The following CDH13 variants were observed in gnomAD, a reference collection of about 807,000 sequenced individuals.
The protein encoded by CDH13 is cadherin-13.
CDH13 carries 24 observed loss-of-function variants against 63.8 expected under a neutral mutation model. The ratio of observed to expected loss-of-function variants is 0.38; its 90% confidence interval spans 0.27 to 0.53. The LOEUF (loss-of-function observed/expected upper bound fraction) is 0.53. Ranked by LOEUF, CDH13 falls within the 20% of genes least tolerant of loss-of-function variation. The pLI, the probability that CDH13 is intolerant of heterozygous loss-of-function variation, is 0.85. For missense variants in CDH13, 1,049 were observed against 903.1 expected (o/e 1.16, Z -2.07); for synonymous variants, 503 against 355.3 (o/e 1.42, Z -4.67).
chr16:83,467,017 C>T (rs186603173), intron 6 of CDH13, among the ~76,000 whole-genome samples: 273 of 152,216 alleles, frequency 1.8e-3, no homozygotes, highest in African/African-American at 6.4e-3. Flanking sequence ...CCACAGGAAC[C>T]AGCTGGATCC....
Position 83,122,042 on chromosome 16 carries a change from C to G in CDH13, c.367-3343C>G, listed in dbSNP as rs568969287. Among the ~76,000 whole-genome samples the G allele has an allele frequency of 1.4e-3, 208 of 152,132 alleles. 1 individual carries two copies. Among genetic ancestry groups the G allele is most frequent in the African/African-American group, 4.9e-3 (202 of 41,462 alleles). On this transcript the variant is annotated intron_variant, in intron 3 of 13. Transcript: ENST00000567109. ...AAGATGGAATGAAACTATCATTTATCACATGATTTTGATAGGAAGCTGTTG... is the reference window on the plus strand; with the variant it reads ...AAGATGGAATGAAACTATCATTTATGACATGATTTTGATAGGAAGCTGTTG...
intron 4 of CDH13, among the ~76,000 whole-genome samples, chr16:83,193,257 C>T (rs1005398988): frequency 2.6e-5 from 4 of 151,522 alleles, no homozygotes; most frequent in African/African-American, 9.7e-5. Flanking sequence ...TCATGCAAAT[C>T]TTGGAAGCAA....
At chr16:83,052,799 A>AAAG (rs1555571676) in intron 3 of CDH13, among the ~76,000 whole-genome samples, 1 of 133,174 alleles carries the variant, frequency 7.5e-6, no homozygotes, top group Non-Finnish European at 1.7e-5. Context: ...AAAAAAAAAA[A>AAAG]AAAAAGAAAG....
intron 9 of CDH13, 38 bp from the exon 10 acceptor site, chr16:83,678,170 C>T (rs372981248): frequency 4.4e-5 from 70 of 1,574,704 alleles, no homozygotes; most frequent in Middle Eastern, 1.7e-4. Flanking sequence ...CCTTTTGTGG[C>T]TGGTGTGCAT....
intron 6 of CDH13, among the ~76,000 whole-genome samples, chr16:83,477,210 A>G (rs12324930): frequency 0.17 from 25,463 of 152,222 alleles, 2,286 homozygotes; most frequent in South Asian, 0.2. Context: ...TCAGTATAAA[A>G]ATAAACAACC....
chr16:83,746,120 T>A (rs997912317), intron 10 of CDH13, among the ~76,000 whole-genome samples: 1 of 152,168 alleles, frequency 6.6e-6, no homozygotes, highest in Non-Finnish European at 1.5e-5. Flanking sequence ...TAACAAAGTA[T>A]TGCAAACATG....
chr16:82,987,624 G>T (rs767109637), intron 2 of CDH13, among the ~76,000 whole-genome samples: 1 of 152,160 alleles, frequency 6.6e-6, no homozygotes, highest in African/African-American at 2.4e-5. Context: ...TGATCTGCCC[G>T]CTTTGGCCTC....
intron 11 of CDH13, among the ~76,000 whole-genome samples, chr16:83,754,250 T>C (rs1913322000): frequency 6.6e-6 from 1 of 151,728 alleles, no homozygotes; most frequent in Non-Finnish European, 1.5e-5. Flanking sequence ...GTACAAGGAG[T>C]TAAAGGATGG....
At chr16:82,919,679 G>A (rs887188954) in intron 2 of CDH13, among the ~76,000 whole-genome samples, 3 of 152,094 alleles carry the variant, frequency 2.0e-5, no homozygotes, top group African/African-American at 7.2e-5. Flanking sequence ...TGTGCATGTG[G>A]CCAACATTTT....
At chr16:83,154,189 C>G (rs1230937335) in intron 4 of CDH13, among the ~76,000 whole-genome samples, 1 of 152,086 alleles carries the variant, frequency 6.6e-6, no homozygotes, top group Non-Finnish European at 1.5e-5. Context: ...CGAGCTTATC[C>G]TAAGGGAGAG....
At chr16:82,682,030 C>A (rs1009270208) in intron 1 of CDH13, among the ~76,000 whole-genome samples, 2 of 152,194 alleles carry the variant, frequency 1.3e-5, no homozygotes, top group African/African-American at 4.8e-5. Flanking sequence ...GGCTCTCAAG[C>A]CCTTGGCTCA....
At chr16:82,776,923 C>T (rs2035525860) in intron 1 of CDH13, among the ~76,000 whole-genome samples, 1 of 152,186 alleles carries the variant, frequency 6.6e-6, no homozygotes, top group Admixed American at 6.5e-5. Flanking sequence ...ACAGTCACTT[C>T]CTGCTATGTG....
At chr16:83,355,873 C>A (rs1056457682) in intron 6 of CDH13, among the ~76,000 whole-genome samples, 1 of 152,170 alleles carries the variant, frequency 6.6e-6, no homozygotes, top group Non-Finnish European at 1.5e-5. Flanking sequence ...TGGTAATCAG[C>A]TGTATATTTT....
At chr16:83,475,133 A>T (rs968834159) in intron 6 of CDH13, among the ~76,000 whole-genome samples, 6 of 152,204 alleles carry the variant, frequency 3.9e-5, no homozygotes, top group African/African-American at 1.4e-4. Flanking sequence ...AACAATTAAG[A>T]ATGTCAAGAG....
chr16:83,230,881 G>T (rs1306615480), intron 5 of CDH13, among the ~76,000 whole-genome samples: 1 of 152,174 alleles, frequency 6.6e-6, no homozygotes, highest in Non-Finnish European at 1.5e-5. Context: ...CAGGAAATCT[G>T]GGCCCTAAGA....
chr16:83,272,281 T>C (rs16960061), intron 5 of CDH13, among the ~76,000 whole-genome samples: 6 of 152,096 alleles, frequency 3.9e-5, no homozygotes, highest in Admixed American at 2.0e-4. Flanking sequence ...CTGTGTAGAA[T>C]TAAGAGGCCA....
In CDH13 at chr16:83,686,599, G is replaced by A. The variant is rs372417917; in HGVS notation, c.1538+8138G>A. Among the ~76,000 whole-genome samples the A allele has an allele frequency of 1.1e-4, 16 of 152,260 alleles. No individual in the cohort carries two copies. The South Asian group carries it at 2.3e-3, about 22-fold the overall frequency. ...TTTGTAGCTCTCACCTTGCAAGAACGGTGGATAAATTATAAGTGATTATTA... is the reference window on the plus strand; with the variant it reads ...TTTGTAGCTCTCACCTTGCAAGAACAGTGGATAAATTATAAGTGATTATTA... On this transcript the variant is annotated intron_variant, in intron 10 of 13. Transcript: ENST00000567109.
chr16:83,344,034 G>C (rs956684110), intron 5 of CDH13, among the ~76,000 whole-genome samples: 2 of 152,154 alleles, frequency 1.3e-5, no homozygotes, highest in Non-Finnish European at 2.9e-5. Context: ...AGTTGTACTA[G>C]GATTCCAAAT....
intron 1 of CDH13, among the ~76,000 whole-genome samples, chr16:82,827,210 G>T (rs1212601784): frequency 6.6e-6 from 1 of 152,178 alleles, no homozygotes; most frequent in Non-Finnish European, 1.5e-5. Context: ...GTTTAGGTTT[G>T]TAATTTCCCA....
Sources: gnomAD v4.1 joint callset for allele counts (sites outside exome capture counted in the v4.1 genomes callset) on GRCh38, gnomAD v4.1.1 for gene constraint, MANE v1.5 for transcripts, NCBI Gene and HGNC (gene_info 2026-07-23, HGNC 2026-07-21) for gene names.